ARHGAP21: variants seen among roughly 807,000 people sequenced by gnomAD.
ARHGAP21 encodes the protein rho GTPase-activating protein 21.
A neutral mutation model predicts 164.6 loss-of-function variants in ARHGAP21; 38 were observed. The ratio of observed to expected loss-of-function variants is 0.23; its 90% CI spans 0.18 to 0.30. The LOEUF is 0.30. ARHGAP21 is among the 10% of genes least tolerant of loss of function. The probability of loss-of-function intolerance (pLI) is 1.00; values close to 1 mark genes in which losing one functional copy is unlikely to be tolerated. For synonymous variants in ARHGAP21, 766 were observed against 857.9 expected (o/e 0.89, Z 1.87); for missense variants, 1,822 against 2,370.7 (o/e 0.77, Z 4.81).
intron 2 of ARHGAP21, among the ~76,000 whole-genome samples, chr10:24,681,318 T>C (rs1441049989): frequency 6.6e-6 from 1 of 152,226 alleles, no homozygotes; most frequent in Non-Finnish European, 1.5e-5. Flanking sequence ...GTTATTTAGA[T>C]AGACATGTTA....
In ARHGAP21 at chr10:24,721,253, G is replaced by A. The variant is rs373086762; in HGVS notation, c.63+584C>T. Among the ~76,000 whole-genome samples the A allele has an allele frequency of 1.1e-4, 16 of 152,282 alleles. No homozygotes were observed. In the South Asian group the frequency reaches 2.7e-3, roughly 26 times the overall value. The stretch of plus-strand genomic sequence containing the variant: ...AACAGTAAAGGCAGGAGATTTTTCC[G>A]GGAGTTGGAATTACGACTCTGTAAG... On this transcript the variant is annotated intron_variant, in intron 2 of 25. Transcript: ENST00000396432.
At chr10:24,651,157 G>A (rs1224486856) in intron 4 of ARHGAP21, among the ~76,000 whole-genome samples, 1 of 152,182 alleles carries the variant, frequency 6.6e-6, no homozygotes, top group African/African-American at 2.4e-5. Flanking sequence ...GGAAGACTGT[G>A]ACTGACAGCC....
intron 2 of ARHGAP21, among the ~76,000 whole-genome samples, chr10:24,671,600 C>T (rs1404124120): frequency 1.3e-5 from 2 of 152,142 alleles, no homozygotes; most frequent in African/African-American, 4.8e-5. Flanking sequence ...TCCCCTCTTA[C>T]TATTCAAAGA....
At chr10:24,602,205 T>C in intron 12 of ARHGAP21, 102 bp from the exon 13 acceptor site, 1 of 1,339,164 alleles carries the variant, frequency 7.5e-7, no homozygotes, top group Non-Finnish European at 1.0e-6. Flanking sequence ...ATGTTTCAAG[T>C]GAAGGGCTAT....
chr10:24,721,156 A>C (rs1845887818), intron 2 of ARHGAP21, among the ~76,000 whole-genome samples: 1 of 152,144 alleles, frequency 6.6e-6, no homozygotes, highest in African/African-American at 2.4e-5. Flanking sequence ...CTAACCAGCA[A>C]CGCAACCCAC....
rs752066655 is a variant in ARHGAP21 at position 24,597,403 on chromosome 10, T to C, written c.3334+44A>G. 3.8e-6 allele frequency: 6 copies of C among 1,593,656 alleles called. No individual in the cohort carries two copies. The East Asian group carries it at 6.7e-5, about 18-fold the overall frequency. ...CATAAACGTACCTCAACGATGCCAA[T>C]TTTAAATCATTATATTTATTTGTTA... On this transcript the variant is annotated intron_variant, in intron 16 of 25. Coordinates refer to ENST00000396432, the MANE Select transcript of ARHGAP21 (RefSeq NM_020824.4).
At chr10:24,722,389 A>C (rs1012406086) in intron 1 of ARHGAP21, 110 bp from the exon 2 acceptor site, 1 of 154,176 alleles carries the variant, frequency 6.5e-6, no homozygotes, top group African/African-American at 2.4e-5. Flanking sequence ...ACAAACAAAA[A>C]AAAATTTTAA....
At chr10:24,705,504 T>C (rs1844141159) in intron 2 of ARHGAP21, among the ~76,000 whole-genome samples, 1 of 152,110 alleles carries the variant, frequency 6.6e-6, no homozygotes, top group African/African-American at 2.4e-5. Flanking sequence ...AAACAGTACA[T>C]AAAGAAAAGT....
At position 24,589,245 on chromosome 10, in the gene ARHGAP21, A is replaced by G. The variant is rs370748087; in HGVS notation, c.4182+26T>C. 10 of 1,586,792 alleles carry G rather than the reference A, an allele frequency of 6.3e-6. No homozygotes were observed. In the African/African-American group the frequency reaches 1.2e-4, roughly 19 times the overall value. Reference sequence around the variant, plus strand: ...CCGAAAAACAATTCCCCCCTAAAATATTTCAAATTGTATGAAACAATTTAC... The same window carrying G: ...CCGAAAAACAATTCCCCCCTAAAATGTTTCAAATTGTATGAAACAATTTAC... On this transcript the variant is annotated intron_variant, in intron 25 of 25. Transcript: ENST00000396432.
At position 24,620,949 on chromosome 10, in the gene ARHGAP21, T is replaced by C. The variant is rs1161102400; in HGVS notation, c.946A>G (p.Arg316Gly). ...ATTGATAATGGTGGTGATGTGGTTC[T>C]TGACACTGTTTTTAAAGAGGTCTGC... is the stretch of plus-strand genomic sequence containing the variant. ...SEQTSLKTVS[R>G]TTSPPLSIPT... Residue 316 changes from arginine (R) to glycine (G), a missense_variant, in exon 9 of 26, where the codon AGA becomes GGA. Arg to Gly is a moderately radical substitution (Grantham distance 125). This residue lies in a region of ARHGAP21 where 1,090 missense variants were observed against 1,378.9 expected (regional missense o/e 0.79). Transcript: ENST00000396432. The C allele has an allele frequency of 6.2e-7, 1 of 1,614,012 alleles. No homozygotes were observed. Among genetic ancestry groups the C allele is most frequent in the Non-Finnish European group, 8.5e-7 (1 of 1,179,874 alleles).
At position 24,585,303 on chromosome 10, in the gene ARHGAP21, A is replaced by G. The variant is rs1592900542; in HGVS notation, c.4986T>C (p.Thr1662=). The change falls in exon 26 of 26, where the codon ACT becomes ACC. Residue 1662 remains threonine, a synonymous_variant. Transcript: ENST00000396432. ...CTTCAGAATTTCTCCGGCTGCTCTT[A>G]GTCACTTCTTGCAGTTTTCCTCGGA... ...RLFRGKLQEV[T]KSSRRNSEGS... 3.1e-6 allele frequency: 5 copies of G among 1,611,094 alleles called. No individual in the cohort carries two copies. Among genetic ancestry groups the G allele is most frequent in the Non-Finnish European group, 3.4e-6 (4 of 1,179,834 alleles).
chr10:24,597,854 C>A, intron 15 of ARHGAP21, 91 bp downstream of exon 15: 1 of 1,367,724 alleles, frequency 7.3e-7, no homozygotes, highest in Non-Finnish European at 1.0e-6. Context: ...CAAGCATCCA[C>A]TGGGGGTCTT....
chr10:24,723,340 G>C (rs535367351), intron 1 of ARHGAP21: 1 of 149,792 alleles, frequency 6.7e-6, no homozygotes, highest in Non-Finnish European at 1.5e-5. Flanking sequence ...GCCGGCCTTT[G>C]TGCCCTTCCC....
intron 2 of ARHGAP21, among the ~76,000 whole-genome samples, chr10:24,671,492 T>A (rs988719415): frequency 6.6e-6 from 1 of 151,960 alleles, no homozygotes; most frequent in Non-Finnish European, 1.5e-5. Flanking sequence ...GATCACCCCA[T>A]CAACCTGCAA....
At chr10:24,621,639 C>T (rs1834553346) in intron 8 of ARHGAP21, among the ~76,000 whole-genome samples, 1 of 152,164 alleles carries the variant, frequency 6.6e-6, no homozygotes, top group African/African-American at 2.4e-5. Context: ...TCTACCCAAC[C>T]AATTAGATGT....
chr10:24,670,888 T>A (rs145218602), intron 2 of ARHGAP21, among the ~76,000 whole-genome samples: 2 of 152,116 alleles, frequency 1.3e-5, no homozygotes, highest in Non-Finnish European at 2.9e-5. Flanking sequence ...TCCACATAGA[T>A]AACCCTTCTG....
chr10:24,590,998 G>C lies in ARHGAP21; in HGVS notation c.4150+227C>G, dbSNP rs549774515. 6 of 821,066 alleles carry C rather than the reference G, an allele frequency of 7.3e-6. No individual in the cohort carries two copies. The South Asian group carries it at 3.4e-4, about 46-fold the overall frequency. 50.9% of individuals were successfully genotyped at this position (821,066 alleles called of 1,614,324 possible). ...GGTTTGCATGCTCATTTCCCTCATAGTTCCATTCTGACAAACATTACAACT... is the reference window on the plus strand; with the variant it reads ...GGTTTGCATGCTCATTTCCCTCATACTTCCATTCTGACAAACATTACAACT... On this transcript the variant is annotated intron_variant, in intron 24 of 25. Transcript: ENST00000396432.
chr10:24,677,376 T>C (rs1841357111), intron 2 of ARHGAP21, among the ~76,000 whole-genome samples: 2 of 152,172 alleles, frequency 1.3e-5, no homozygotes, highest in Non-Finnish European at 2.9e-5. Context: ...AAGCAAATAA[T>C]GGAGCATTGG....
intron 2 of ARHGAP21, among the ~76,000 whole-genome samples, chr10:24,701,587 C>T (rs946136991): frequency 3.3e-5 from 5 of 152,154 alleles, no homozygotes; most frequent in South Asian, 4.2e-4. Flanking sequence ...GAAGTGGGAA[C>T]GGTGAGTGCA....
Sources: gnomAD v4.1 joint callset for allele counts (sites outside exome capture counted in the v4.1 genomes callset) on GRCh38, gnomAD v4.1.1 for gene constraint, gnomAD v4.1.1 regional missense constraint, MANE v1.5 for transcripts, NCBI Gene and HGNC (gene_info 2026-07-23, HGNC 2026-07-21) for gene names.